SLC7A2: variants seen among roughly 807,000 people sequenced by gnomAD.
SLC7A2 encodes cationic amino acid transporter 2.
SLC7A2 carries 48 observed loss-of-function variants against 58.9 expected under a neutral mutation model. The ratio of observed to expected loss-of-function variants is 0.82; its 90% CI spans 0.65 to 1.04. The LOEUF (loss-of-function observed/expected upper bound fraction) is 1.04. Among genes scored for constraint, SLC7A2 ranks in the 50% least tolerant of loss-of-function variants. The probability of loss-of-function intolerance (pLI) is 0.00; values close to 1 mark genes in which losing one functional copy is unlikely to be tolerated. For synonymous variants in SLC7A2, 363 were observed against 314.5 expected, an observed-to-expected ratio of 1.15 and a Z score of -1.63; for missense variants, 1,029 against 818.8, an observed-to-expected ratio of 1.26 and a Z score of -3.13.
Position 17,541,675 on chromosome 8 carries a change from C to G in SLC7A2, c.-22-1643C>G, listed in dbSNP as rs113176229. Reference sequence around the variant, plus strand: ...TGACTTATATGTTTTGGTAGACAATCCCATGTACAGCTCTTTCATTTTTGA... The same window carrying G: ...TGACTTATATGTTTTGGTAGACAATGCCATGTACAGCTCTTTCATTTTTGA... On this transcript the variant is annotated intron_variant, in intron 2 of 12. Coordinates refer to ENST00000494857, the MANE Select transcript of SLC7A2 (RefSeq NM_001370338.1). Among the ~76,000 whole-genome samples, 976 of 152,284 alleles carry G rather than the reference C, an allele frequency of 6.4e-3. 11 individuals are homozygous for G. The highest frequency in any genetic ancestry group is 0.023 in the African/African-American group (940 of 41,548).
chr8:17,532,229 C>CAAAAAAAAA lies in SLC7A2; in HGVS notation c.-22-11067_-22-11059dup, dbSNP rs534441508. Among the ~76,000 whole-genome samples the CAAAAAAAAA allele has an allele frequency of 4.1e-4, 19 of 46,206 alleles. 1 individual carries two copies. The highest frequency in any genetic ancestry group is 1.9e-3 in the African/African-American group (19 of 9,846). 30.3% of individuals were successfully genotyped at this position (46,206 alleles called of 152,430 possible). A position where few individuals can be genotyped will look rare whatever the true frequency, so the allele number is the denominator to read the frequency against. On this transcript the variant is annotated intron_variant, in intron 2 of 12. Coordinates refer to ENST00000494857, the MANE Select transcript of SLC7A2 (RefSeq NM_001370338.1). ...TGGGCAACAGGGCAAGACTCTATCT[C>CAAAAAAAAA]AAAAAAAAAAAAAAAAAAAAAAAAA...
intron 2 of SLC7A2, among the ~76,000 whole-genome samples, 158 bp from the exon 3 acceptor site, chr8:17,543,160 T>G (rs879358735): frequency 6.6e-6 from 1 of 151,664 alleles, no homozygotes; most frequent in Non-Finnish European, 1.5e-5. Context: ...CTGACTGCTC[T>G]GGGTCACTGC....
At chr8:17,547,824 T>G (rs1363784191) in intron 4 of SLC7A2, among the ~76,000 whole-genome samples, 1 of 101,662 alleles carries the variant, frequency 9.8e-6, no homozygotes, top group African/African-American at 3.1e-5. Flanking sequence ...GTGTGTGTGT[T>G]TACAAAATTT....
chr8:17,555,855 T>C (rs921782170), intron 8 of SLC7A2, among the ~76,000 whole-genome samples: 4 of 152,158 alleles, frequency 2.6e-5, no homozygotes, highest in African/African-American at 9.7e-5. Context: ...ACAATGGCCT[T>C]AAAGGTACTG....
chr8:17,507,328 A>G (rs1368997805), intron 2 of SLC7A2, among the ~76,000 whole-genome samples: 3 of 152,088 alleles, frequency 2.0e-5, no homozygotes, highest in African/African-American at 7.2e-5. Flanking sequence ...TTTATTATAT[A>G]ATTTTAAAAA....
At position 17,543,510 on chromosome 8, in the gene SLC7A2, G is replaced by A. The variant is rs771590045; in HGVS notation, c.171G>A (p.Gly57=). ...TLGAGVYVLA[G]EVAKADSGPS... is the part of the protein sequence containing the mutation. ...GGGCCGGGGTTTATGTCCTCGCTGG[G>A]GAGGTGGCCAAGGCAGACTCGGGCC... is the stretch of plus-strand genomic sequence containing the variant. The change falls in exon 3 of 13, where the codon GGG becomes GGA. Residue 57 remains glycine (G), a synonymous_variant. Coordinates refer to ENST00000494857, the MANE Select transcript of SLC7A2 (RefSeq NM_001370338.1). 11 of 1,613,850 alleles carry A rather than the reference G, an allele frequency of 6.8e-6. No individual in the cohort carries two copies. The highest frequency in any genetic ancestry group is 7.6e-6 in the Non-Finnish European group (9 of 1,179,956).
At chr8:17,543,196 A>G (rs1023653486) in intron 2 of SLC7A2, 122 bp from the exon 3 acceptor site, 15 of 840,226 alleles carry the variant, frequency 1.8e-5, no homozygotes, top group Non-Finnish European at 2.7e-5. Context: ...TGAAACACAC[A>G]CACACACACA....
intron 11 of SLC7A2, among the ~76,000 whole-genome samples, chr8:17,563,002 G>C (rs775805361): frequency 6.6e-6 from 1 of 152,144 alleles, no homozygotes; most frequent in Non-Finnish European, 1.5e-5. Context: ...AATTAGCTGC[G>C]TGTAGTGGCT....
intron 2 of SLC7A2, among the ~76,000 whole-genome samples, chr8:17,516,386 G>A (rs967184565): frequency 2.0e-5 from 3 of 152,030 alleles, no homozygotes; most frequent in African/African-American, 7.2e-5. Flanking sequence ...ACCACACCCG[G>A]CTAATTTTTG....
intron 2 of SLC7A2, among the ~76,000 whole-genome samples, chr8:17,534,694 GAAAA>G (rs34390459): frequency 1.5e-4 from 19 of 128,336 alleles, no homozygotes; most frequent in African/African-American, 4.1e-4. Context: ...GTTTCAAATG[GAAAA>G]AAAAAAAAAA....
At chr8:17,521,317 A>G (rs1053074668) in intron 2 of SLC7A2, among the ~76,000 whole-genome samples, 1 of 152,234 alleles carries the variant, frequency 6.6e-6, no homozygotes, top group Non-Finnish European at 1.5e-5. Context: ...AACCTCGTAA[A>G]TGGCCTATGT....
intron 2 of SLC7A2, among the ~76,000 whole-genome samples, chr8:17,531,766 A>G (rs2588225): frequency 0.63 from 94,968 of 151,714 alleles, 30,525 homozygotes; most frequent in Non-Finnish European, 0.71. Flanking sequence ...TATAGTTGCC[A>G]TTAAATTTTT....
chr8:17,497,160 C>A lies in SLC7A2; in HGVS notation c.-146C>A, dbSNP rs922118844. On this transcript the variant is annotated 5_prime_UTR_variant, in exon 1 of 13. Transcript: ENST00000494857. Reference sequence around the variant, plus strand: ...GAGGCGGCGGCCGCTGCTCCAGCGTCCCCCAGCCGCGGGCCCCCGACGCGC... The same window carrying A: ...GAGGCGGCGGCCGCTGCTCCAGCGTACCCCAGCCGCGGGCCCCCGACGCGC... The A allele has an allele frequency of 2.0e-5, 3 of 151,694 alleles. No homozygotes were observed. Among genetic ancestry groups the A allele is most frequent in the Admixed American group, 6.6e-5 (1 of 15,244 alleles). 9.4% of individuals were successfully genotyped at this position (151,694 alleles called of 1,614,324 possible).
At chr8:17,517,126 T>G (rs1299789963) in intron 2 of SLC7A2, among the ~76,000 whole-genome samples, 4 of 152,224 alleles carry the variant, frequency 2.6e-5, no homozygotes, top group Admixed American at 1.3e-4. Context: ...TTGCATCACT[T>G]TAAACACACA....
intron 2 of SLC7A2, among the ~76,000 whole-genome samples, chr8:17,516,488 A>T (rs1355592699): frequency 2.0e-5 from 3 of 152,070 alleles, no homozygotes; most frequent in Admixed American, 6.5e-5. Context: ...CCACCCAAAG[A>T]GCTGGGATGA....
rs1042312769 is a variant in SLC7A2 at position 17,563,646 on chromosome 8, A to G, written c.1715A>G (p.Asn572Ser). 2 of 1,613,738 alleles carry G rather than the reference A, an allele frequency of 1.2e-6. No individual in the cohort carries two copies. Among genetic ancestry groups the G allele is most frequent in the Admixed American group, 1.7e-5 (1 of 59,972 alleles). The part of the protein sequence containing the change: ...PFLPAFSILV[N>S]IYLMVQLSAD... ...TTGCCAGCGTTCAGCATCTTGGTGA[A>G]CATTTACTTGATGGTCCAGTTAAGT... Residue 572 changes from asparagine to serine, a missense_variant, in exon 12 of 13, where the codon AAC becomes AGC. Physicochemically the swap from Asn to Ser is conservative, Grantham distance 46. Transcript: ENST00000494857.
intron 3 of SLC7A2, 26 bp from the exon 4 acceptor site, chr8:17,544,425 C>T (rs368216065): frequency 1.8e-4 from 294 of 1,603,888 alleles, no homozygotes; most frequent in Non-Finnish European, 2.4e-4. Flanking sequence ...CCAGTGACTT[C>T]GTATTCTCTG....
At chr8:17,501,699 C>G (rs916084191) in intron 1 of SLC7A2, among the ~76,000 whole-genome samples, 1 of 151,970 alleles carries the variant, frequency 6.6e-6, no homozygotes, top group Admixed American at 6.6e-5. Flanking sequence ...TATCCCCATC[C>G]TCCTGCAAAA....
intron 2 of SLC7A2, among the ~76,000 whole-genome samples, chr8:17,540,998 G>T (rs1270653811): frequency 3.3e-5 from 5 of 152,036 alleles, no homozygotes; most frequent in Non-Finnish European, 7.4e-5. Context: ...ATGACAAATG[G>T]GTATGTTTAT....
Sources: allele counts gnomAD v4.1 joint callset (sites outside exome capture counted in the v4.1 genomes callset), GRCh38; gene constraint gnomAD v4.1.1; transcripts MANE v1.5; gene names NCBI Gene and HGNC (gene_info 2026-07-23, HGNC 2026-07-21).